The following CACNA1C variants were observed in gnomAD, a reference collection of about 807,000 sequenced individuals.
The protein encoded by CACNA1C is voltage-dependent L-type calcium channel subunit alpha-1C.
CACNA1C carries 30 observed loss-of-function variants against 229.0 expected under a neutral mutation model. That is an observed-to-expected ratio of 0.13 (90% confidence interval 0.10 to 0.18). The LOEUF (loss-of-function observed/expected upper bound fraction) is 0.18, where lower values mean the gene tolerates loss of function less well. Ranked by LOEUF, CACNA1C falls within the 10% of genes least tolerant of loss-of-function variation. The probability of loss-of-function intolerance (pLI) is 1.00; values close to 1 mark genes in which losing one functional copy is unlikely to be tolerated. For missense variants in CACNA1C, 1,658 were observed against 2,845.0 expected (o/e 0.58, Z 9.49); for synonymous variants, 1,114 against 1,132.5 (o/e 0.98, Z 0.33).
chr12:2,674,101 C>T (rs1603444598), intron 38 of CACNA1C, among the ~76,000 whole-genome samples: 1 of 152,240 alleles, frequency 6.6e-6, no homozygotes, highest in Non-Finnish European at 1.5e-5. Flanking sequence ...CTGTGACTGC[C>T]GAAGGAGGTC....
chr12:2,105,134 C>T (rs183274604), intron 1 of CACNA1C, among the ~76,000 whole-genome samples: 1 of 152,310 alleles, frequency 6.6e-6, no homozygotes, highest in Admixed American at 6.5e-5. Context: ...CCATAAATAA[C>T]AGAGAGCAAG....
intron 1 of CACNA1C, among the ~76,000 whole-genome samples, chr12:1,978,048 C>A (rs754540876): frequency 6.6e-6 from 1 of 152,164 alleles, no homozygotes; most frequent in Non-Finnish European, 1.5e-5. Flanking sequence ...AATTGACTCT[C>A]AAGAGAGAAG....
intron 30 of CACNA1C, among the ~76,000 whole-genome samples, chr12:2,636,489 G>A (rs2092715242): frequency 1.3e-5 from 2 of 152,206 alleles, no homozygotes; most frequent in South Asian, 4.1e-4. Context: ...TGGAATAGTG[G>A]TTTTCTATTT....
intron 3 of CACNA1C, among the ~76,000 whole-genome samples, chr12:2,323,167 G>A (rs1383805943): frequency 2.0e-5 from 3 of 152,168 alleles, no homozygotes; most frequent in Non-Finnish European, 4.4e-5. Flanking sequence ...AGACACGGCT[G>A]TAGCTCTTTT....
At chr12:2,282,654 G>A (rs959172670) in intron 3 of CACNA1C, among the ~76,000 whole-genome samples, 1 of 152,226 alleles carries the variant, frequency 6.6e-6, no homozygotes, top group African/African-American at 2.4e-5. Context: ...CCTCCTGCCA[G>A]AGAAAAGGAG....
chr12:2,011,997 A>C (rs2044527702), intron 1 of CACNA1C, among the ~76,000 whole-genome samples: 1 of 151,916 alleles, frequency 6.6e-6, no homozygotes, highest in South Asian at 2.1e-4. Flanking sequence ...GCATTTGAAG[A>C]ATTTTGTAAT....
chr12:2,401,857 C>T (rs61907810), intron 3 of CACNA1C, among the ~76,000 whole-genome samples: 28,703 of 152,218 alleles, frequency 0.19, 3,214 homozygotes, highest in African/African-American at 0.31. Flanking sequence ...ATGTCCTCTC[C>T]TTTTGTACAC....
At chr12:2,174,723 T>C (rs2096594524) in intron 3 of CACNA1C, among the ~76,000 whole-genome samples, 1 of 152,228 alleles carries the variant, frequency 6.6e-6, no homozygotes, top group South Asian at 2.1e-4. Context: ...ACTAACAATC[T>C]ACTGTTTACC....
intron 3 of CACNA1C, among the ~76,000 whole-genome samples, chr12:2,161,934 A>G (rs1186799859): frequency 2.0e-5 from 3 of 152,178 alleles, no homozygotes; most frequent in African/African-American, 7.2e-5. Flanking sequence ...TGGCACTTAG[A>G]ACCTCCACCA....
At chr12:2,032,330 C>T (rs1020947297) in intron 1 of CACNA1C, among the ~76,000 whole-genome samples, 1 of 152,012 alleles carries the variant, frequency 6.6e-6, no homozygotes. Context: ...TGTCACCTGC[C>T]GTATTTTGGG....
intron 3 of CACNA1C, among the ~76,000 whole-genome samples, chr12:2,409,642 C>T (rs1455178557): frequency 6.6e-6 from 1 of 152,170 alleles, no homozygotes; most frequent in Non-Finnish European, 1.5e-5. Flanking sequence ...TCTGTTGTTC[C>T]CCTTGAAGTT....
Position 2,120,384 on chromosome 12 carries a change from A to G in CACNA1C, c.431A>G (p.Tyr144Cys), listed in dbSNP as rs761239778. Reference protein sequence around the residue: ...IFANCVALAIYIPFPEDDSNA... With the variant: ...IFANCVALAICIPFPEDDSNA... ...GCCAATTGTGTGGCCTTAGCGATCT[A>G]TATTCCCTTTCCAGAAGATGATTCC... Residue 144 changes from tyrosine (Y) to cysteine (C), a missense_variant, in exon 3 of 47, where the codon TAT (tyrosine) becomes TGT (cysteine). Physicochemically the swap from Tyr to Cys is radical, Grantham distance 194. Transcript: ENST00000399655. The G allele has an allele frequency of 6.2e-7, 1 of 1,611,826 alleles. No homozygotes were observed. Among genetic ancestry groups the G allele is most frequent in the Non-Finnish European group, 8.5e-7 (1 of 1,177,888 alleles).
chr12:2,315,302 C>A (rs73605737), intron 3 of CACNA1C, among the ~76,000 whole-genome samples: 1 of 152,196 alleles, frequency 6.6e-6, no homozygotes, highest in African/African-American at 2.4e-5. Context: ...CATCTGCAAC[C>A]GTCTGCTTTC....
At chr12:2,604,393 A>G (rs1399023886) in intron 22 of CACNA1C, among the ~76,000 whole-genome samples, 1 of 152,028 alleles carries the variant, frequency 6.6e-6, no homozygotes, top group African/African-American at 2.4e-5. Flanking sequence ...TGGAGTCCTG[A>G]GTGTGCTCTG....
intron 3 of CACNA1C, among the ~76,000 whole-genome samples, chr12:2,424,046 G>A (rs914976552): frequency 2.6e-5 from 4 of 152,162 alleles, no homozygotes; most frequent in Admixed American, 1.3e-4. Flanking sequence ...TCAGTAACCC[G>A]CGCACATTAT....
At chr12:2,185,333 A>G (rs1400932474) in intron 3 of CACNA1C, among the ~76,000 whole-genome samples, 3 of 151,968 alleles carry the variant, frequency 2.0e-5, no homozygotes, top group African/African-American at 4.8e-5. Context: ...TCCATATCCC[A>G]CCACGCCCTC....
intron 4 of CACNA1C, among the ~76,000 whole-genome samples, chr12:2,457,365 C>T (rs2099438650): frequency 6.6e-6 from 1 of 152,224 alleles, no homozygotes; most frequent in Admixed American, 6.5e-5. Context: ...GCCATGGTGG[C>T]ACCCTGGGCA....
rs140614775 is a variant in CACNA1C, at chr12:2,471,087, C to G, written c.757+13381C>G. ...CCTCAGGTTATCTGCTCTCCTCGGC[C>G]TTCCAAAATGCTAGGATTACAGTTG... On this transcript the variant is annotated intron_variant, in intron 5 of 46. Transcript: ENST00000399655. 4.3e-3 allele frequency among the ~76,000 whole-genome samples: 661 copies of G among 152,304 alleles called. 4 individuals are homozygous for G. Among genetic ancestry groups the G allele is most frequent in the African/African-American group, 0.014 (591 of 41,570 alleles).
chr12:2,074,533 G>A (rs1050177236), intron 1 of CACNA1C, among the ~76,000 whole-genome samples: 1 of 152,034 alleles, frequency 6.6e-6, no homozygotes, highest in African/African-American at 2.4e-5. Context: ...CCATGAACTT[G>A]TTGCGACTCC....
Sources: gnomAD v4.1 joint callset for allele counts (sites outside exome capture counted in the v4.1 genomes callset) on GRCh38, gnomAD v4.1.1 for gene constraint, MANE v1.5 for transcripts, NCBI Gene and HGNC (gene_info 2026-07-23, HGNC 2026-07-21) for gene names.